VAV2: variants seen among roughly 807,000 people sequenced by gnomAD.
VAV2 encodes vav guanine nucleotide exchange factor 2.
VAV2 carries 67 observed loss-of-function variants against 132.5 expected under a neutral mutation model. The observed-to-expected ratio is 0.51, with a 90% confidence interval of 0.42 to 0.62. VAV2 has a LOEUF of 0.62. Among genes scored for constraint, VAV2 ranks in the 20% least tolerant of loss-of-function variants. The probability of loss-of-function intolerance (pLI) is 0.00; values close to 1 mark genes in which losing one functional copy is unlikely to be tolerated. For synonymous variants in VAV2, 492 were observed against 443.5 expected, an observed-to-expected ratio of 1.11 and a Z score of -1.37; for missense variants, 938 against 1,153.6, an observed-to-expected ratio of 0.81 and a Z score of 2.71.
At chr9:133,927,368 C>T (rs1252638841) in intron 2 of VAV2, among the ~76,000 whole-genome samples, 1 of 152,200 alleles carries the variant, frequency 6.6e-6, no homozygotes, top group Admixed American at 6.5e-5. Flanking sequence ...GCTCCTACCT[C>T]CACTGATGTA....
chr9:133,938,440 G>A (rs1841005203), intron 2 of VAV2, among the ~76,000 whole-genome samples: 1 of 152,128 alleles, frequency 6.6e-6, no homozygotes, highest in Admixed American at 6.5e-5. Context: ...GGCCACCAAT[G>A]AACTACAGCC....
At chr9:133,931,692 C>T (rs1840694216) in intron 2 of VAV2, among the ~76,000 whole-genome samples, 1 of 152,222 alleles carries the variant, frequency 6.6e-6, no homozygotes, top group Admixed American at 6.5e-5. Flanking sequence ...GCCTGTGACC[C>T]GGTGCCCAGG....
At chr9:133,967,831 G>A (rs1842194609) in intron 1 of VAV2, among the ~76,000 whole-genome samples, 1 of 151,176 alleles carries the variant, frequency 6.6e-6, no homozygotes, top group Non-Finnish European at 1.5e-5. Context: ...TACTCAGGAG[G>A]CTGAGGCAGG....
At chr9:133,932,284 C>T (rs1012352203) in intron 2 of VAV2, among the ~76,000 whole-genome samples, 1 of 152,200 alleles carries the variant, frequency 6.6e-6, no homozygotes, top group Non-Finnish European at 1.5e-5. Flanking sequence ...ATCTACAGGC[C>T]GTGGCGGGGA....
chr9:133,866,971 G>A (rs998118409), intron 2 of VAV2, among the ~76,000 whole-genome samples: 5 of 152,076 alleles, frequency 3.3e-5, no homozygotes, highest in Non-Finnish European at 4.4e-5. Context: ...CCTCCCCCTC[G>A]GAGCTGGGGC....
intron 5 of VAV2, among the ~76,000 whole-genome samples, chr9:133,810,518 C>T (rs756623583): frequency 6.6e-6 from 1 of 152,242 alleles, no homozygotes; most frequent in Non-Finnish European, 1.5e-5. Context: ...CAGGGAAGGA[C>T]ATGGAGCAGC....
intron 4 of VAV2, among the ~76,000 whole-genome samples, chr9:133,830,842 A>G (rs536907779): frequency 1.3e-5 from 2 of 152,244 alleles, no homozygotes; most frequent in South Asian, 2.1e-4. Context: ...CTTTCAGTGA[A>G]AGGAGGAGGG....
rs111653569 is a variant in VAV2 at position 133,768,072 on chromosome 9, C to T, written c.2589+370G>A. Among the ~76,000 whole-genome samples, 1 of 152,200 alleles carries T rather than the reference C, an allele frequency of 6.6e-6. No homozygotes were observed. The highest frequency in any genetic ancestry group is 1.5e-5 in the Non-Finnish European group (1 of 67,992). On this transcript the variant is annotated intron_variant, in intron 29 of 29. Coordinates refer to ENST00000371850, the MANE Select transcript of VAV2 (RefSeq NM_001134398.2). The surrounding 1 kb of genome is among the most constrained non-coding windows in gnomAD (Gnocchi z 5.3). ...CCCAGCAAGGACACCGTGTCCTCCT[C>T]AGTCCTGTGACCTCCCTTCCCGCAA...
At chr9:133,772,802 AC>A (rs1833676446) in intron 25 of VAV2, among the ~76,000 whole-genome samples, 3 of 152,070 alleles carry the variant, frequency 2.0e-5, no homozygotes, top group African/African-American at 7.3e-5. Flanking sequence ...CCATCACTGT[AC>A]GAACGCCACG....
In VAV2 at chr9:133,823,601, C is replaced by T. The variant is rs755449986; in HGVS notation, c.449+10671G>A. Reference sequence around the variant, plus strand: ...GAGTTCCAGAACAGCACGAGGAGGGCGATTTAGAGGGGGAGGGACCTTCAT... The same window carrying T: ...GAGTTCCAGAACAGCACGAGGAGGGTGATTTAGAGGGGGAGGGACCTTCAT... On this transcript the variant is annotated intron_variant, in intron 4 of 29. Transcript: ENST00000371850. This position sits in a 1 kb window ranked among gnomAD's most constrained non-coding sequence, Gnocchi z 5.5. Among the ~76,000 whole-genome samples, 4 of 152,124 alleles carry T rather than the reference C, an allele frequency of 2.6e-5. No individual in the cohort carries two copies. Among genetic ancestry groups the T allele is most frequent in the African/African-American group, 7.2e-5 (3 of 41,428 alleles).
Position 133,884,891 on chromosome 9 carries a change from G to A in VAV2, c.322-23459C>T, listed in dbSNP as rs1437121261. 1.3e-5 allele frequency among the ~76,000 whole-genome samples: 2 copies of A among 152,054 alleles called. No homozygotes were observed. The highest frequency in any genetic ancestry group is 2.4e-5 in the African/African-American group (1 of 41,390). ...TCCCCTCCCACTCAGCCAGAGGGGC[G>A]CAGCGCTGTCCACAACTCACACCCT... On this transcript the variant is annotated intron_variant, in intron 2 of 29. Coordinates refer to ENST00000371850, the MANE Select transcript of VAV2 (RefSeq NM_001134398.2). This position sits in a 1 kb window ranked among gnomAD's most constrained non-coding sequence, Gnocchi z 5.3.
intron 1 of VAV2, among the ~76,000 whole-genome samples, chr9:133,945,221 G>A (rs1841316624): frequency 6.6e-6 from 1 of 152,218 alleles, no homozygotes. Flanking sequence ...TCTGGGCAGG[G>A]AAATCCCATT....
chr9:133,986,190 A>G (rs987403099), intron 1 of VAV2, among the ~76,000 whole-genome samples: 1 of 152,226 alleles, frequency 6.6e-6, no homozygotes, highest in Non-Finnish European at 1.5e-5. Flanking sequence ...GAACATCACC[A>G]GCAATGGGGC....
At chr9:133,852,781 G>A (rs995514344) in intron 3 of VAV2, among the ~76,000 whole-genome samples, 2 of 152,300 alleles carry the variant, frequency 1.3e-5, no homozygotes, top group Admixed American at 6.5e-5. Flanking sequence ...CATCCTCATG[G>A]TGGCAGCCGC....
intron 1 of VAV2, among the ~76,000 whole-genome samples, chr9:133,986,710 C>T (rs1004522201): frequency 6.6e-6 from 1 of 152,104 alleles, no homozygotes; most frequent in Non-Finnish European, 1.5e-5. Context: ...CTATCCCCCC[C>T]AAAAAAAGAA....
chr9:133,769,616 G>A lies in VAV2; in HGVS notation c.2348-113C>T. On this transcript the variant is annotated intron_variant, in intron 27 of 29. Coordinates refer to ENST00000371850, the MANE Select transcript of VAV2 (RefSeq NM_001134398.2). This position sits in a 1 kb window ranked among gnomAD's most constrained non-coding sequence, Gnocchi z 8.1. ...GGGTGGGGCAGGCCCTTTGGCAGGA[G>A]AGGCCCTACAGGGGGGCAAAGGAGG... is the stretch of plus-strand genomic sequence containing the variant. The A allele has an allele frequency of 8.6e-7, 1 of 1,163,018 alleles. No individual in the cohort carries two copies. Among genetic ancestry groups the A allele is most frequent in the Non-Finnish European group, 1.2e-6 (1 of 821,324 alleles). 72.0% of individuals were successfully genotyped at this position (1,163,018 alleles called of 1,614,324 possible).
intron 2 of VAV2, among the ~76,000 whole-genome samples, chr9:133,895,601 TC>T (rs1012577795): frequency 8.6e-5 from 13 of 151,812 alleles, no homozygotes; most frequent in African/African-American, 2.9e-4. Flanking sequence ...ACCAGGCAAA[TC>T]CACAGCAATT....
At position 133,783,560 on chromosome 9, in the gene VAV2, T is replaced by C; in HGVS notation, c.1666A>G (p.Lys556Glu). ...TCCTTGTGTGCCCCGACGCCACACTTGGTACACATGTATCCCTGGTAGAAG... is the reference window on the plus strand; with the variant it reads ...TCCTTGTGTGCCCCGACGCCACACTCGGTACACATGTATCCCTGGTAGAAG... ...GTFYQGYMCT[K>E]CGVGAHKECL... Residue 556 changes from lysine to glutamate, a missense_variant, in exon 19 of 30, where the codon AAG becomes GAG. Coordinates refer to ENST00000371850, the MANE Select transcript of VAV2 (RefSeq NM_001134398.2). The C allele has an allele frequency of 1.9e-6, 3 of 1,613,982 alleles. No individual in the cohort carries two copies. The highest frequency in any genetic ancestry group is 2.5e-6 in the Non-Finnish European group (3 of 1,179,950).
At chr9:133,784,296 G>A (rs746920729) in intron 18 of VAV2, 21 bp downstream of exon 18, 16 of 1,610,128 alleles carry the variant, frequency 9.9e-6, no homozygotes, top group South Asian at 4.4e-5. Context: ...GGTGAGGGCT[G>A]TAGCAGGGGG....
Sources: allele counts gnomAD v4.1 joint callset (sites outside exome capture counted in the v4.1 genomes callset), GRCh38; gene constraint gnomAD v4.1.1; non-coding constraint Gnocchi (gnomAD v3.1); transcripts MANE v1.5; gene names NCBI Gene and HGNC (gene_info 2026-07-23, HGNC 2026-07-21).